The following SMG1 variants were observed in gnomAD, a reference collection of about 807,000 sequenced individuals.
The protein encoded by SMG1 is SMG1 nonsense mediated mRNA decay associated PI3K related kinase, also known as serine/threonine-protein kinase SMG1.
In SMG1, 22 loss-of-function variants were observed where a neutral mutation model predicts 419.9. That is an observed-to-expected ratio of 0.05 (90% CI 0.04 to 0.07). The LOEUF (loss-of-function observed/expected upper bound fraction) is 0.07. SMG1 is among the 10% of genes least tolerant of loss of function. The probability of loss-of-function intolerance (pLI) is 1.00; values close to 1 mark genes in which losing one functional copy is unlikely to be tolerated. For synonymous variants in SMG1, 1,538 were observed against 1,553.5 expected (o/e 0.99, Z 0.23); for missense variants, 3,185 against 4,342.0 (o/e 0.73, Z 7.49).
In SMG1 at chr16:18,868,329, T is replaced by C; in HGVS notation, c.3056A>G (p.Asn1019Ser). The C allele has an allele frequency of 6.8e-7, 1 of 1,466,088 alleles. No homozygotes were observed. 90.8% of individuals were successfully genotyped at this position (1,466,088 alleles called of 1,614,324 possible). The change falls in exon 22 of 63, where the codon AAT (asparagine) becomes AGT (serine). Residue 1019 changes from asparagine to serine, a missense_variant. Physicochemically the swap from Asn to Ser is conservative, Grantham distance 46. Coordinates refer to ENST00000446231, the MANE Select transcript of SMG1 (RefSeq NM_015092.5). Reference protein sequence around the residue: ...PKVIRTFFYTNRQTCQDWLTR... With the variant: ...PKVIRTFFYTSRQTCQDWLTR... ...TAGCCAGTCCTGACAAGTTTGGCGA[T>C]TGGTATAGAAAAAAGTTCTAATGAC... is the stretch of plus-strand genomic sequence containing the variant.
Position 18,832,995 on chromosome 16 carries a change from T to G in SMG1, c.8737A>C (p.Asn2913His). ...LVESLQAYLR[N>H]AAMGLEEETH... ...TCTTCTTCCAGTCCCATAGCTGCGT[T>G]TCTTAAGTAGGCCTGAAGAGATTCC... The change falls in exon 51 of 63, where the codon AAC becomes CAC. Residue 2913 changes from asparagine to histidine, a missense_variant. Physicochemically the swap from Asn to His is moderately conservative, Grantham distance 68. This residue lies in a region of SMG1 where 737 missense variants were observed against 846.6 expected (regional missense o/e 0.87). Transcript: ENST00000446231. 1 of 1,614,008 alleles carries G rather than the reference T, an allele frequency of 6.2e-7. No homozygotes were observed. The highest frequency in any genetic ancestry group is 8.5e-7 in the Non-Finnish European group (1 of 1,179,896).
chr16:18,832,553 A>G (rs1567333916), intron 51 of SMG1, among the ~76,000 whole-genome samples: 1 of 150,652 alleles, frequency 6.6e-6, no homozygotes, highest in Non-Finnish European at 1.5e-5. Flanking sequence ...AAAAGGATAT[A>G]TGTATGTATG....
chr16:18,864,766 C>T (rs1165648658), intron 23 of SMG1, among the ~76,000 whole-genome samples: 1 of 152,190 alleles, frequency 6.6e-6, no homozygotes, highest in African/African-American at 2.4e-5. Flanking sequence ...CGTGAACCAC[C>T]GCGCCCAGCC....
chr16:18,820,340 C>T (rs1356277169), intron 55 of SMG1, among the ~76,000 whole-genome samples: 1 of 151,854 alleles, frequency 6.6e-6, no homozygotes, highest in South Asian at 2.1e-4. Flanking sequence ...GAAGCTGGGA[C>T]AAGAGGTGCG....
At chr16:18,844,938 A>T (rs2141331600) in intron 39 of SMG1, among the ~76,000 whole-genome samples, 1 of 152,368 alleles carries the variant, frequency 6.6e-6, no homozygotes, top group South Asian at 2.1e-4. Context: ...ATTCTCAAAT[A>T]TGTGAATACA....
intron 10 of SMG1, among the ~76,000 whole-genome samples, chr16:18,880,805 G>A (rs1350904850): frequency 1.3e-5 from 2 of 151,532 alleles, no homozygotes; most frequent in African/African-American, 4.9e-5. Context: ...AGGCTGAGGT[G>A]GGAAGACTGC....
intron 1 of SMG1, among the ~76,000 whole-genome samples, chr16:18,915,146 A>G (rs1242388418): frequency 6.6e-6 from 1 of 151,846 alleles, no homozygotes; most frequent in Non-Finnish European, 1.5e-5. Context: ...TAATTTTTGT[A>G]TATTTTTTAG....
chr16:18,847,047 C>T (rs1002748035), intron 38 of SMG1, among the ~76,000 whole-genome samples: 3 of 109,334 alleles, frequency 2.7e-5, no homozygotes, highest in African/African-American at 3.7e-5. Context: ...TATTATTCAG[C>T]GATAAAAAAA....
At chr16:18,894,534 CTATTT>C (rs1413004532) in intron 3 of SMG1, among the ~76,000 whole-genome samples, 1 of 152,090 alleles carries the variant, frequency 6.6e-6, no homozygotes, top group African/African-American at 2.4e-5. Context: ...TTCAAATACT[CTATTT>C]TAACAAACAG....
intron 50 of SMG1, 89 bp downstream of exon 50, chr16:18,834,115 G>C: frequency 2.3e-6 from 2 of 883,162 alleles, no homozygotes; most frequent in Non-Finnish European, 1.7e-6. Context: ...TTCAAATGGG[G>C]AAGTCAAATT....
intron 1 of SMG1, among the ~76,000 whole-genome samples, chr16:18,898,551 A>G (rs1264778348): frequency 3.3e-5 from 5 of 152,334 alleles, no homozygotes; most frequent in Middle Eastern, 3.4e-3. Context: ...ACATGCATCT[A>G]TATAAATCAT....
Position 18,820,270 on chromosome 16 carries a change from T to C in SMG1, c.9742-616A>G, listed in dbSNP as rs964873540. Among the ~76,000 whole-genome samples, 3 of 150,978 alleles carry C rather than the reference T, an allele frequency of 2.0e-5. No individual in the cohort carries two copies. The South Asian group carries it at 6.3e-4, about 32-fold the overall frequency. On this transcript the variant is annotated intron_variant, in intron 55 of 62. Coordinates refer to ENST00000446231, the MANE Select transcript of SMG1 (RefSeq NM_015092.5). ...TGAGCCAGCACGCCCAGCTACTATC[T>C]TGGCTCACTGCAACCCCCGCCTCCT...
At chr16:18,812,400 C>G (rs2031499033) in intron 60 of SMG1, among the ~76,000 whole-genome samples, 1 of 152,052 alleles carries the variant, frequency 6.6e-6, no homozygotes. Context: ...CCTGTAATCC[C>G]AGCACTTTGG....
Position 18,829,648 on chromosome 16 carries a change from G to A in SMG1, c.9241C>T (p.Pro3081Ser). 6.2e-7 allele frequency: 1 copy of A among 1,613,984 alleles called. No individual in the cohort carries two copies. The highest frequency in any genetic ancestry group is 2.2e-5 in the East Asian group (1 of 44,892). ...AAGTCAGCTGTGAATGCCTTGATAGGTTTGGCCATTTGGTCTTCACTGAAA... is the reference window on the plus strand; with the variant it reads ...AAGTCAGCTGTGAATGCCTTGATAGATTTGGCCATTTGGTCTTCACTGAAA... ...SCFSEDQMAK[P>S]IKAFTADFVR... Residue 3081 changes from proline to serine, a missense_variant, in exon 54 of 63, where the codon CCT (proline) becomes TCT (serine). Pro to Ser is a moderately conservative substitution (Grantham distance 74). Around this residue, in one of 27 missense-constraint regions of SMG1, gnomAD observed 737 missense variants for 846.6 expected, o/e 0.87. Transcript: ENST00000446231.
chr16:18,830,373 C>A lies in SMG1; in HGVS notation c.8793-4G>T, dbSNP rs1174527719. On this transcript the variant is annotated splice_polypyrimidine_tract_variant and splice_region_variant and intron_variant, in intron 51 of 62. Transcript: ENST00000446231. ...ACCGTACTGAGCATGTAGTAGTCTA[C>A]AGAAAAACAAAAGGAGTTAAAACCT... The A allele has an allele frequency of 1.2e-6, 2 of 1,613,228 alleles. No individual in the cohort carries two copies. The highest frequency in any genetic ancestry group is 1.7e-6 in the Non-Finnish European group (2 of 1,179,712).
At chr16:18,816,237 A>G (rs776744765) in intron 58 of SMG1, 65 bp downstream of exon 58, 6 of 1,271,212 alleles carry the variant, frequency 4.7e-6, no homozygotes, top group Non-Finnish European at 6.5e-6. Context: ...TTTCCTATAA[A>G]TAAAACTACT....
chr16:18,836,241 G>C (rs1327452578), intron 47 of SMG1, 29 bp from the exon 48 acceptor site: 1 of 1,602,930 alleles, frequency 6.2e-7, no homozygotes, highest in Non-Finnish European at 8.5e-7. Context: ...ATTAAACACA[G>C]TAAAACAGGG....
chr16:18,835,799 T>C (rs992914041), intron 48 of SMG1, 134 bp downstream of exon 48: 13 of 817,562 alleles, frequency 1.6e-5, no homozygotes, highest in Non-Finnish European at 2.3e-5. Flanking sequence ...CTCTGGAGGC[T>C]GAGGCAGAGG....
chr16:18,828,708 C>T (rs968379058), intron 54 of SMG1, among the ~76,000 whole-genome samples: 19 of 152,274 alleles, frequency 1.2e-4, no homozygotes, highest in African/African-American at 4.6e-4. Context: ...ACATTAAAAA[C>T]TATATTTATG....
Sources: allele counts gnomAD v4.1 joint callset (sites outside exome capture counted in the v4.1 genomes callset), GRCh38; gene constraint gnomAD v4.1.1; regional missense constraint gnomAD v4.1.1; transcripts MANE v1.5; gene names NCBI Gene and HGNC (gene_info 2026-07-23, HGNC 2026-07-21).